Variants in STAT4 observed in about 807,000 individuals in gnomAD.
STAT4 encodes the protein signal transducer and activator of transcription 4.
Under a neutral mutation model 110.5 loss-of-function variants are expected in STAT4, and 42 were observed. The observed-to-expected ratio is 0.38, with a 90% CI of 0.30 to 0.49. STAT4 has a LOEUF of 0.49. Ranked by LOEUF, STAT4 falls within the 20% of genes least tolerant of loss-of-function variation. The probability of loss-of-function intolerance (pLI) is 0.95; values close to 1 mark genes in which losing one functional copy is unlikely to be tolerated. For missense variants in STAT4, 632 were observed against 887.9 expected, an observed-to-expected ratio of 0.71 and a Z score of 3.66; for synonymous variants, 284 against 302.2, an observed-to-expected ratio of 0.94 and a Z score of 0.63.
At chr2:191,070,852 G>A (rs1697125647) in intron 5 of STAT4, among the ~76,000 whole-genome samples, 1 of 151,916 alleles carries the variant, frequency 6.6e-6, no homozygotes, top group South Asian at 2.1e-4. Context: ...TGTAAAAAGG[G>A]GTGTGGGGGT....
intron 13 of STAT4, among the ~76,000 whole-genome samples, chr2:191,056,488 C>T (rs1222206180): frequency 6.6e-6 from 1 of 152,116 alleles, no homozygotes; most frequent in Non-Finnish European, 1.5e-5. Flanking sequence ...AATGAAAGCG[C>T]TTTTAGCCAG....
chr2:191,095,630 T>C (rs1208851652), intron 3 of STAT4, among the ~76,000 whole-genome samples: 1 of 152,142 alleles, frequency 6.6e-6, no homozygotes, highest in African/African-American at 2.4e-5. Context: ...AGAGGGAAAT[T>C]TATAGCACTA....
chr2:191,072,039 G>T (rs1360140950), intron 5 of STAT4, among the ~76,000 whole-genome samples: 1 of 152,138 alleles, frequency 6.6e-6, no homozygotes, highest in Non-Finnish European at 1.5e-5. Flanking sequence ...TCTCCCCGTA[G>T]AGTCAATTCA....
intron 4 of STAT4, 122 bp from the exon 5 acceptor site, chr2:191,073,312 T>TA: frequency 4.2e-6 from 3 of 709,682 alleles, no homozygotes; most frequent in Non-Finnish European, 7.1e-6. Flanking sequence ...CTATAGTCAT[T>TA]AAAAAATCAT....
chr2:191,051,392 C>G lies in STAT4; in HGVS notation c.1251+3098G>C, dbSNP rs1175952711. On this transcript the variant is annotated intron_variant, in intron 14 of 23. Transcript: ENST00000392320. The surrounding 1 kb of genome is among the most constrained non-coding windows in gnomAD (Gnocchi z 5.6). Reference sequence around the variant, plus strand: ...TGACTCACACACAGCTCATTCAGTCCTCACAACAACCCTTAGAAGTGTAGG... The same window carrying G: ...TGACTCACACACAGCTCATTCAGTCGTCACAACAACCCTTAGAAGTGTAGG... 6.6e-6 allele frequency among the ~76,000 whole-genome samples: 1 copy of G among 152,192 alleles called. No homozygotes were observed. The highest frequency in any genetic ancestry group is 2.4e-5 in the African/African-American group (1 of 41,452).
chr2:191,057,105 G>C (rs1265278031), intron 13 of STAT4, among the ~76,000 whole-genome samples: 3 of 152,078 alleles, frequency 2.0e-5, no homozygotes, highest in African/African-American at 7.2e-5. Flanking sequence ...CTGAATATCA[G>C]AATTTATTCC....
chr2:191,038,230 C>G (rs73981216), intron 16 of STAT4, among the ~76,000 whole-genome samples: 235 of 152,202 alleles, frequency 1.5e-3, no homozygotes, highest in African/African-American at 5.3e-3. Context: ...CAGGCGATTT[C>G]TCTGGTAAGT....
intron 3 of STAT4, among the ~76,000 whole-genome samples, chr2:191,132,831 T>C (rs1482746945): frequency 6.7e-6 from 1 of 150,150 alleles, no homozygotes; most frequent in Non-Finnish European, 1.5e-5. Context: ...CTCGGCTCAC[T>C]GCAAGCTCCG....
At chr2:191,094,476 A>G (rs1452552801) in intron 3 of STAT4, among the ~76,000 whole-genome samples, 1 of 152,218 alleles carries the variant, frequency 6.6e-6, no homozygotes, top group Non-Finnish European at 1.5e-5. Context: ...AGAATTTCAT[A>G]TCCAGCCAAA....
At position 191,073,100 on chromosome 2, in the gene STAT4, G is replaced by T. The variant is rs887698929; in HGVS notation, c.463C>A (p.Gln155Lys). Residue 155 changes from glutamine (Q) to lysine (K), a missense_variant and splice_region_variant, in exon 5 of 24, where the codon CAG (glutamine) becomes AAG (lysine). Gln to Lys is a moderately conservative substitution (Grantham distance 53, BLOSUM62 1). This residue lies in a region of STAT4 where 488 missense variants were observed against 632.8 expected (regional missense o/e 0.77). Coordinates refer to ENST00000392320, the MANE Select transcript of STAT4 (RefSeq NM_003151.4). ...HKVAAIKNSV[Q>K]MTEQDTKYLE... ...GGTATCTGTATAAAAGCACTTACCT[G>T]CACACTGTTTTTAATGGCAGCCACT... 2 of 1,613,642 alleles carry T rather than the reference G, an allele frequency of 1.2e-6. No individual in the cohort carries two copies. The highest frequency in any genetic ancestry group is 1.7e-6 in the Non-Finnish European group (2 of 1,179,642).
At chr2:191,075,674 C>A (rs753271917) in intron 4 of STAT4, among the ~76,000 whole-genome samples, 8 of 152,186 alleles carry the variant, frequency 5.3e-5, no homozygotes, top group Non-Finnish European at 1.2e-4. Context: ...GACATACACT[C>A]TGGAAAGACA....
intron 13 of STAT4, among the ~76,000 whole-genome samples, chr2:191,056,415 A>G (rs1696694973): frequency 6.6e-6 from 1 of 152,222 alleles, no homozygotes; most frequent in African/African-American, 2.4e-5. Context: ...TAGACATGAC[A>G]AGGTGAACTG....
chr2:191,057,328 C>T (rs1015076617), intron 13 of STAT4, among the ~76,000 whole-genome samples: 1 of 152,170 alleles, frequency 6.6e-6, no homozygotes, highest in East Asian at 1.9e-4. Context: ...ATCCATGTTG[C>T]TGCGTATGAC....
chr2:191,132,729 G>A (rs1699069039), intron 3 of STAT4, among the ~76,000 whole-genome samples: 1 of 150,752 alleles, frequency 6.6e-6, no homozygotes, highest in South Asian at 2.1e-4. Context: ...TGTGGTTTCT[G>A]TATCTCATCA....
chr2:191,055,104 A>C lies in STAT4; in HGVS notation c.1207-570T>G, dbSNP rs1013683026. 2.0e-4 allele frequency among the ~76,000 whole-genome samples: 30 copies of C among 152,294 alleles called. No individual in the cohort carries two copies. In the Middle Eastern group the frequency reaches 0.01, roughly 52 times the overall value. On this transcript the variant is annotated intron_variant, in intron 13 of 23. Transcript: ENST00000392320. Reference sequence around the variant, plus strand: ...GATCCCACTTTTAAAATACATATATAATTATTTTAGAAAAAAGAATGAAAT... The same window carrying C: ...GATCCCACTTTTAAAATACATATATCATTATTTTAGAAAAAAGAATGAAAT...
At chr2:191,080,994 C>T (rs1037840645) in intron 3 of STAT4, among the ~76,000 whole-genome samples, 49 of 152,194 alleles carry the variant, frequency 3.2e-4, no homozygotes, top group Admixed American at 2.2e-3. Context: ...CTTCCCTAGC[C>T]CCCCATCCCC....
chr2:191,089,273 G>A (rs574771295), intron 3 of STAT4, among the ~76,000 whole-genome samples: 1 of 152,234 alleles, frequency 6.6e-6, no homozygotes, highest in African/African-American at 2.4e-5. Context: ...CACCAAAGAA[G>A]ATATATAGAT....
At chr2:191,078,404 C>T (rs1479204044) in intron 3 of STAT4, among the ~76,000 whole-genome samples, 1 of 152,120 alleles carries the variant, frequency 6.6e-6, no homozygotes, top group Non-Finnish European at 1.5e-5. Flanking sequence ...GGTTAAATTA[C>T]TCACTTTTTC....
At chr2:191,068,985 T>C (rs1406871920) in intron 6 of STAT4, among the ~76,000 whole-genome samples, 3 of 152,142 alleles carry the variant, frequency 2.0e-5, no homozygotes, top group Non-Finnish European at 4.4e-5. Context: ...ACCTTACATT[T>C]TGACATTTAT....
Sources: allele counts gnomAD v4.1 joint callset (sites outside exome capture counted in the v4.1 genomes callset), GRCh38; gene constraint gnomAD v4.1.1; regional missense constraint gnomAD v4.1.1; non-coding constraint Gnocchi (gnomAD v3.1); transcripts MANE v1.5; gene names NCBI Gene and HGNC (gene_info 2026-07-23, HGNC 2026-07-21).